SHMT1: variants seen among roughly 807,000 people sequenced by gnomAD.
SHMT1 encodes the protein serine hydroxymethyltransferase 1.
Under a neutral mutation model 49.0 loss-of-function variants are expected in SHMT1, and 45 were observed. The observed-to-expected ratio is 0.92, with a 90% CI of 0.72 to 1.18. The LOEUF (loss-of-function observed/expected upper bound fraction) is 1.18, where lower values mean the gene tolerates loss of function less well. Ranked by LOEUF, SHMT1 falls within the 50% of genes most tolerant of loss-of-function variation. The pLI is 0.00. For synonymous variants in SHMT1, 232 were observed against 246.6 expected (o/e 0.94, Z 0.55); for missense variants, 541 against 612.4 (o/e 0.88, Z 1.23).
At position 18,333,308 on chromosome 17, in the gene SHMT1, G is replaced by A. The variant is rs1198923284; in HGVS notation, c.932-20C>T. 2 of 1,611,570 alleles carry A rather than the reference G, an allele frequency of 1.2e-6. No homozygotes were observed. The highest frequency in any genetic ancestry group is 1.7e-5 in the Admixed American group (1 of 59,944). On this transcript the variant is annotated intron_variant, in intron 8 of 11. Transcript: ENST00000316694. ...CAACCCCTGGACAAGAAGAGACAAT[G>A]GGTCAGGAGGCTAGGATAGAATCAT...
chr17:18,329,825 C>T (rs1267961346), intron 10 of SHMT1, among the ~76,000 whole-genome samples: 1 of 152,170 alleles, frequency 6.6e-6, no homozygotes, highest in Non-Finnish European at 1.5e-5. Context: ...AGCCAAGAGA[C>T]AGCCAAGGTA....
chr17:18,334,139 T>C (rs1983540816), intron 8 of SHMT1, among the ~76,000 whole-genome samples: 1 of 151,280 alleles, frequency 6.6e-6, no homozygotes, highest in Non-Finnish European at 1.5e-5. Flanking sequence ...AGGGTTTCAC[T>C]GTATGTTGGC....
chr17:18,336,109 TCTA>T (rs781515438), intron 7 of SHMT1, among the ~76,000 whole-genome samples: 3 of 151,920 alleles, frequency 2.0e-5, no homozygotes, highest in Non-Finnish European at 4.4e-5. Context: ...AAACCCCGTC[TCTA>T]CTAAAAATAC....
At chr17:18,341,095 T>C (rs1984454256) in intron 5 of SHMT1, 2 of 487,796 alleles carry the variant, frequency 4.1e-6, no homozygotes, top group Admixed American at 6.7e-5. Flanking sequence ...ATGAAACAAA[T>C]GTGACGGGAC....
At chr17:18,347,758 C>A in intron 4 of SHMT1, 102 bp from the exon 5 acceptor site, 1 of 1,318,334 alleles carries the variant, frequency 7.6e-7, no homozygotes, top group South Asian at 1.2e-5. Flanking sequence ...GTGGCGAGAA[C>A]AGGCCTTGTA....
At chr17:18,335,120 G>A (rs572728990) in intron 8 of SHMT1, among the ~76,000 whole-genome samples, 1 of 152,334 alleles carries the variant, frequency 6.6e-6, no homozygotes, top group African/African-American at 2.4e-5. Flanking sequence ...GGCAGGCATG[G>A]AATCTGACTC....
chr17:18,328,309 C>A lies in SHMT1; in HGVS notation c.*441G>T. On this transcript the variant is annotated 3_prime_UTR_variant, in exon 12 of 12. Transcript: ENST00000316694. ...CTAATTCAGTTCTCCTTTGGCATGC[C>A]ACTGGATAACAAGATAGTGAGGGGG... 4.8e-6 allele frequency: 1 copy of A among 209,338 alleles called. No individual in the cohort carries two copies. 13.0% of individuals were successfully genotyped at this position (209,338 alleles called of 1,614,324 possible).
chr17:18,334,618 C>T (rs1314255730), intron 8 of SHMT1, among the ~76,000 whole-genome samples: 1 of 152,174 alleles, frequency 6.6e-6, no homozygotes, highest in Non-Finnish European at 1.5e-5. Flanking sequence ...TTCGTCCTAC[C>T]CTGCACCATT....
At chr17:18,334,588 C>T (rs1218451193) in intron 8 of SHMT1, among the ~76,000 whole-genome samples, 2 of 152,228 alleles carry the variant, frequency 1.3e-5, no homozygotes, top group African/African-American at 4.8e-5. Flanking sequence ...AAGGTCAGAG[C>T]GCAGGTAGGA....
chr17:18,361,580 G>A (rs1441602973), intron 1 of SHMT1, among the ~76,000 whole-genome samples: 6 of 151,964 alleles, frequency 3.9e-5, no homozygotes, highest in African/African-American at 9.7e-5. Flanking sequence ...GAGGTCAGGA[G>A]ATCGAGACCA....
intron 1 of SHMT1, among the ~76,000 whole-genome samples, chr17:18,357,983 C>A (rs1986401643): frequency 6.7e-6 from 1 of 149,928 alleles, no homozygotes; most frequent in African/African-American, 2.4e-5. Flanking sequence ...CCTGCCTCAG[C>A]CTCCCAAGTA....
At chr17:18,357,647 G>A (rs1264898876) in intron 1 of SHMT1, among the ~76,000 whole-genome samples, 1 of 152,002 alleles carries the variant, frequency 6.6e-6, no homozygotes, top group Non-Finnish European at 1.5e-5. Flanking sequence ...AATACATAAG[G>A]ACCTCATTTT....
chr17:18,348,140 G>C, intron 4 of SHMT1, 185 bp downstream of exon 4: 1 of 635,278 alleles, frequency 1.6e-6, no homozygotes, highest in Non-Finnish European at 2.9e-6. Flanking sequence ...GGCTGGTCTT[G>C]AACTGCCGGC....
At chr17:18,353,633 G>A in intron 3 of SHMT1, 39 bp downstream of exon 3, 1 of 1,606,906 alleles carries the variant, frequency 6.2e-7, no homozygotes. Flanking sequence ...TACTCCCTAT[G>A]ACTGTGTCAG....
Position 18,347,655 on chromosome 17 carries a change from G to A in SHMT1, c.360C>T (p.Gly120=), listed in dbSNP as rs147590476. The change falls in exon 5 of 12, where the codon GGC becomes GGT. Residue 120 remains glycine, a splice_region_variant and synonymous_variant. Transcript: ENST00000316694. ...CWGVNVQPYS[G]SPANFAVYTA... ...TGTACACAGCAAAGTTTGCAGGGGA[G>A]CCTGAAACGAGTGGACCAGAGGAGA... The A allele has an allele frequency of 1.9e-5, 30 of 1,614,026 alleles. No individual in the cohort carries two copies. The African/African-American group carries it at 2.9e-4, about 16-fold the overall frequency.
chr17:18,349,106 CT>C (rs1172989240), intron 3 of SHMT1, among the ~76,000 whole-genome samples: 1 of 152,050 alleles, frequency 6.6e-6, no homozygotes, highest in African/African-American at 2.4e-5. Flanking sequence ...TATGATTCAA[CT>C]TTTATGAGGT....
intron 7 of SHMT1, among the ~76,000 whole-genome samples, chr17:18,335,934 T>C (rs1030113655): frequency 6.6e-6 from 1 of 151,024 alleles, no homozygotes; most frequent in Non-Finnish European, 1.5e-5. Context: ...CCTGTCCACC[T>C]GCCTCCTCTG....
intron 1 of SHMT1, among the ~76,000 whole-genome samples, chr17:18,360,933 G>T (rs967045379): frequency 6.6e-6 from 1 of 152,176 alleles, no homozygotes; most frequent in Non-Finnish European, 1.5e-5. Flanking sequence ...ACTTTGGGAG[G>T]CCGAGGTGGG....
chr17:18,333,003 G>A (rs1320628832), intron 9 of SHMT1, 163 bp downstream of exon 9: 1 of 847,168 alleles, frequency 1.2e-6, no homozygotes, highest in South Asian at 1.4e-5. Flanking sequence ...CTGAGGCAGG[G>A]GGAGGCTTTC....
Sources: allele counts gnomAD v4.1 joint callset (sites outside exome capture counted in the v4.1 genomes callset), GRCh38; gene constraint gnomAD v4.1.1; transcripts MANE v1.5; gene names NCBI Gene and HGNC (gene_info 2026-07-23, HGNC 2026-07-21).